Variants in GPC5 observed in about 807,000 individuals in gnomAD.
GPC5 encodes glypican 5.
In GPC5, 47 loss-of-function variants were observed where a neutral mutation model predicts 53.9. The ratio of observed to expected loss-of-function variants is 0.87; its 90% CI spans 0.69 to 1.11. The LOEUF is 1.11. Among genes scored for constraint, GPC5 ranks in the 50% most tolerant of loss-of-function variants. The probability of loss-of-function intolerance (pLI) is 0.00; values close to 1 mark genes in which losing one functional copy is unlikely to be tolerated. For missense variants in GPC5, 748 were observed against 713.1 expected (o/e 1.05, Z -0.56); for synonymous variants, 286 against 263.3 (o/e 1.09, Z -0.84).
At position 91,497,966 on chromosome 13, in the gene GPC5, C is replaced by T. The variant is rs1884370947; in HGVS notation, c.325+49044C>T. On this transcript the variant is annotated intron_variant, in intron 2 of 7. Coordinates refer to ENST00000377067, the MANE Select transcript of GPC5 (RefSeq NM_004466.6). ...AAACAATCCAATTCTTGCCATTTCC[C>T]CTACTTTTGATTTTAATGTAAAGAT... Among the ~76,000 whole-genome samples the T allele has an allele frequency of 2.0e-5, 3 of 152,036 alleles. No homozygotes were observed. In the South Asian group the frequency reaches 6.2e-4, roughly 32 times the overall value.
intron 7 of GPC5, among the ~76,000 whole-genome samples, chr13:92,660,570 AT>A (rs71123428): frequency 0.24 from 36,313 of 150,916 alleles, 5,025 homozygotes; most frequent in South Asian, 0.39. Flanking sequence ...CTTTTCACAT[AT>A]TTTTTTTTGT....
chr13:91,915,737 A>G (rs2039652121), intron 6 of GPC5, among the ~76,000 whole-genome samples: 1 of 152,122 alleles, frequency 6.6e-6, no homozygotes, highest in Admixed American at 6.5e-5. Context: ...TTTTTTTCAC[A>G]AAAGAGGTTC....
At chr13:92,086,679 G>A (rs944651860) in intron 6 of GPC5, among the ~76,000 whole-genome samples, 10 of 149,796 alleles carry the variant, frequency 6.7e-5, no homozygotes, top group Non-Finnish European at 1.2e-4. Context: ...TTTCTTTTGA[G>A]ATGGAGTCTT....
chr13:92,667,076 GAT>G (rs1886597993), intron 7 of GPC5, among the ~76,000 whole-genome samples: 1 of 152,136 alleles, frequency 6.6e-6, no homozygotes, highest in South Asian at 2.1e-4. Flanking sequence ...CACAAAAAAA[GAT>G]ATTTTTGGCC....
chr13:92,119,991 T>C (rs1406309487), intron 6 of GPC5, among the ~76,000 whole-genome samples: 1 of 152,138 alleles, frequency 6.6e-6, no homozygotes, highest in Non-Finnish European at 1.5e-5. Context: ...GAATGTTATA[T>C]TCACAGGTTG....
chr13:91,455,272 T>G (rs1881460637), intron 2 of GPC5, among the ~76,000 whole-genome samples: 1 of 152,116 alleles, frequency 6.6e-6, no homozygotes, highest in African/African-American at 2.4e-5. Flanking sequence ...TACTAGATAT[T>G]TACTAAAATT....
At chr13:91,655,567 A>C (rs910640557) in intron 2 of GPC5, among the ~76,000 whole-genome samples, 1 of 152,092 alleles carries the variant, frequency 6.6e-6, no homozygotes, top group Non-Finnish European at 1.5e-5. Flanking sequence ...AATTAATAAA[A>C]GTCAAAACCA....
intron 7 of GPC5, among the ~76,000 whole-genome samples, chr13:92,618,398 CTT>C (rs1203648268): frequency 1.3e-5 from 2 of 151,968 alleles, no homozygotes; most frequent in Admixed American, 1.3e-4. Context: ...TTCAGTCACT[CTT>C]TATGATCTGA....
At chr13:92,779,254 A>G (rs1875934088) in intron 7 of GPC5, among the ~76,000 whole-genome samples, 1 of 152,132 alleles carries the variant, frequency 6.6e-6, no homozygotes, top group South Asian at 2.1e-4. Flanking sequence ...GGAATAGTGC[A>G]GGAAAGACCC....
intron 2 of GPC5, among the ~76,000 whole-genome samples, chr13:91,477,898 GACAA>G (rs1371836525): frequency 6.6e-6 from 1 of 152,188 alleles, no homozygotes; most frequent in Admixed American, 6.5e-5. Flanking sequence ...TAGAGACTGA[GACAA>G]ACAGTCTTTT....
intron 6 of GPC5, among the ~76,000 whole-genome samples, chr13:92,122,397 C>T (rs2041657608): frequency 6.6e-6 from 1 of 151,832 alleles, no homozygotes; most frequent in South Asian, 2.1e-4. Flanking sequence ...TCAGCTGCTT[C>T]TCAGTAGCAG....
chr13:92,128,900 T>C (rs1274417014), intron 6 of GPC5, among the ~76,000 whole-genome samples: 4 of 152,124 alleles, frequency 2.6e-5, no homozygotes, highest in Non-Finnish European at 4.4e-5. Flanking sequence ...GAGGCAGAGG[T>C]TGCAGTGAGC....
At chr13:91,598,630 A>G (rs1000191255) in intron 2 of GPC5, among the ~76,000 whole-genome samples, 4 of 151,998 alleles carry the variant, frequency 2.6e-5, no homozygotes, top group Admixed American at 1.3e-4. Context: ...CATTGATTTC[A>G]TATTAAATAT....
At chr13:92,191,557 G>GCTA (rs1370040682) in intron 7 of GPC5, among the ~76,000 whole-genome samples, 20 of 152,268 alleles carry the variant, frequency 1.3e-4, no homozygotes, top group African/African-American at 4.8e-4. Context: ...CATATAGAAA[G>GCTA]CAGTACATGG....
chr13:91,694,121 C>G (rs780045525), intron 3 of GPC5, among the ~76,000 whole-genome samples: 2 of 152,270 alleles, frequency 1.3e-5, no homozygotes, highest in Non-Finnish European at 2.9e-5. Flanking sequence ...TCAGGAACAG[C>G]ATAGATTTGA....
chr13:91,901,344 A>G (rs1248645193), intron 5 of GPC5, among the ~76,000 whole-genome samples: 4 of 152,068 alleles, frequency 2.6e-5, no homozygotes, highest in Non-Finnish European at 4.4e-5. Flanking sequence ...GGATCACAAA[A>G]GGCTTAATCA....
chr13:92,264,876 CTCTGTGTGTGTGTGTGTGTGTG>C (rs1259586412), intron 7 of GPC5, among the ~76,000 whole-genome samples: 29 of 119,334 alleles, frequency 2.4e-4, no homozygotes, highest in African/African-American at 1.0e-3. Flanking sequence ...CTCTCTCTCT[CTCTGTGTGTGTGTGTGTGTGTG>C]TGTGTGTGTG....
chr13:92,570,651 TA>T (rs953876897), intron 7 of GPC5, among the ~76,000 whole-genome samples: 45 of 152,240 alleles, frequency 3.0e-4, no homozygotes, highest in Admixed American at 1.2e-3. Flanking sequence ...TGTTTATATG[TA>T]AAAAATGGTG....
intron 1 of GPC5, among the ~76,000 whole-genome samples, chr13:91,416,580 G>A (rs151136552): frequency 5.9e-5 from 9 of 151,784 alleles, no homozygotes; most frequent in Admixed American, 2.0e-4. Flanking sequence ...TTTACATTAC[G>A]CATTTCTCCT....
Sources: gnomAD v4.1 joint callset for allele counts (sites outside exome capture counted in the v4.1 genomes callset) on GRCh38, gnomAD v4.1.1 for gene constraint, MANE v1.5 for transcripts, NCBI Gene and HGNC (gene_info 2026-07-23, HGNC 2026-07-21) for gene names.